OXNAD1: variants seen among roughly 807,000 people sequenced by gnomAD.
OXNAD1 encodes the protein oxidoreductase NAD binding domain containing 1, also known as oxidoreductase NAD-binding domain-containing protein 1.
Under a neutral mutation model 32.9 loss-of-function variants are expected in OXNAD1, and 34 were observed. The ratio of observed to expected loss-of-function variants is 1.03; its 90% CI spans 0.79 to 1.38. OXNAD1 has a LOEUF of 1.38. Among genes scored for constraint, OXNAD1 ranks in the 40% most tolerant of loss-of-function variants. The pLI is 0.00. For missense variants in OXNAD1, 407 were observed against 379.4 expected (o/e 1.07, Z -0.60); for synonymous variants, 134 against 135.2 (o/e 0.99, Z 0.06).
intron 5 of OXNAD1, 37 bp from the exon 6 acceptor site, chr3:16,294,819 G>T: frequency 1.9e-6 from 3 of 1,563,036 alleles, no homozygotes; most frequent in South Asian, 1.2e-5. Context: ...TTTTAAAATT[G>T]CTTCAACAAT....
At chr3:16,276,515 A>ATTTTTTTTTTTTTTTTTTTTTTTTTTTTT (rs35338490) in intron 4 of OXNAD1, 1 of 143,390 alleles carries the variant, frequency 7.0e-6, no homozygotes, top group African/African-American at 2.7e-5. Context: ...CAATCTTGCT[A>ATTTTTTTTTTTTTTTTTTTTTTTTTTTTT]TTTTTTTTTT....
rs748104048 is a variant in OXNAD1, at chr3:16,316,841, A to G, written c.*30+13249A>G. ...ATTGCCCAAGACTCAGTTTTCTTCA[A>G]CCGTACCAAGCTCTCTGACTTCCTC... On this transcript the variant is annotated intron_variant, in intron 9 of 9. Transcript: ENST00000435829. The surrounding 1 kb of genome is among the most constrained non-coding windows in gnomAD (Gnocchi z 4.5). 3.1e-6 allele frequency: 5 copies of G among 1,613,920 alleles called. No homozygotes were observed. Among genetic ancestry groups the G allele is most frequent in the Non-Finnish European group, 3.4e-6 (4 of 1,179,986 alleles).
rs565682 is a variant in OXNAD1, at chr3:16,322,927, T to C, written c.*31-14185T>C. ...CTGTCATGAAGAAATTTTGGCAGGG[T>C]CTCTGCTTAGATCCCCACACTTTTA... is the stretch of plus-strand genomic sequence containing the variant. On this transcript the variant is annotated intron_variant, in intron 9 of 9. Transcript: ENST00000435829. The surrounding 1 kb of genome is among the most constrained non-coding windows in gnomAD (Gnocchi z 6.2). Among the ~76,000 whole-genome samples, 47,461 of 151,942 alleles carry C rather than the reference T, an allele frequency of 0.31. 8,220 individuals carry two copies. Among genetic ancestry groups the C allele is most frequent in the Non-Finnish European group, 0.37 (25,432 of 67,932 alleles).
At chr3:16,319,873 A>G (rs949075135) in intron 9 of OXNAD1, among the ~76,000 whole-genome samples, 2 of 152,192 alleles carry the variant, frequency 1.3e-5, no homozygotes, top group Non-Finnish European at 2.9e-5. Flanking sequence ...AAGGCAGGCA[A>G]GTCCAGCCTG....
At chr3:16,339,578 C>T (rs1440130324), downstream of OXNAD1, 1 of 152,194 alleles carries the variant, frequency 6.6e-6, no homozygotes, top group African/African-American at 2.4e-5. Flanking sequence ...CTGAGACCTA[C>T]CACGGGACAA....
Position 16,302,020 on chromosome 3 carries a change from C to T in OXNAD1, c.675+152C>T. On this transcript the variant is annotated intron_variant, in intron 7 of 8. Coordinates refer to ENST00000285083, the MANE Select transcript of OXNAD1 (RefSeq NM_138381.5). The surrounding 1 kb of genome is among the most constrained non-coding windows in gnomAD (Gnocchi z 4.2). ...GCTTAAATGAGAACTAACCAACACACCTTACCCAAGACAAGTAAAACTGCT... is the reference window on the plus strand; with the variant it reads ...GCTTAAATGAGAACTAACCAACACATCTTACCCAAGACAAGTAAAACTGCT... 4.0e-6 allele frequency: 4 copies of T among 1,012,488 alleles called. No homozygotes were observed. The highest frequency in any genetic ancestry group is 5.6e-6 in the Non-Finnish European group (4 of 710,548). 62.7% of individuals were successfully genotyped at this position (1,012,488 alleles called of 1,614,324 possible).
chr3:16,306,284 A>G (rs988693666), downstream of OXNAD1, among the ~76,000 whole-genome samples: 1 of 152,292 alleles, frequency 6.6e-6, no homozygotes, highest in Non-Finnish European at 1.5e-5. Flanking sequence ...GACTAGCAGC[A>G]TTCTGTTTTT....
chr3:16,311,643 A>G (rs1431231072), intron 9 of OXNAD1, among the ~76,000 whole-genome samples: 1 of 152,160 alleles, frequency 6.6e-6, no homozygotes, highest in Admixed American at 6.5e-5. Context: ...TGCAAAATCC[A>G]GTCACTTTTG....
At chr3:16,292,529 A>G (rs2066503397) in intron 5 of OXNAD1, among the ~76,000 whole-genome samples, 1 of 152,056 alleles carries the variant, frequency 6.6e-6, no homozygotes, top group Non-Finnish European at 1.5e-5. Flanking sequence ...TGTAGCACAG[A>G]GTTTTAAATT....
At chr3:16,279,424 C>T (rs1012838893) in intron 4 of OXNAD1, among the ~76,000 whole-genome samples, 13 of 151,150 alleles carry the variant, frequency 8.6e-5, no homozygotes, top group African/African-American at 2.9e-4. Context: ...AGCACAGTGC[C>T]GGAGAAAAAA....
In OXNAD1 at chr3:16,314,808, T is replaced by C. The variant is rs1299860563; in HGVS notation, c.*30+11216T>C. On this transcript the variant is annotated intron_variant, in intron 9 of 9. Transcript: ENST00000435829. The surrounding 1 kb of genome is among the most constrained non-coding windows in gnomAD (Gnocchi z 4.4). Reference sequence around the variant, plus strand: ...TAAGGCCCTCTAGCCTGGAACCGTTTGCTTTTCAAAGTTGAGTGTGGTGTT... The same window carrying C: ...TAAGGCCCTCTAGCCTGGAACCGTTCGCTTTTCAAAGTTGAGTGTGGTGTT... The C allele has an allele frequency of 2.6e-5, 4 of 152,252 alleles. No homozygotes were observed. Among genetic ancestry groups the C allele is most frequent in the African/African-American group, 9.6e-5 (4 of 41,470 alleles). 9.4% of individuals were successfully genotyped at this position (152,252 alleles called of 1,614,324 possible). A position where few individuals can be genotyped will look rare whatever the true frequency, so the allele number is the denominator to read the frequency against.
chr3:16,314,636 C>T lies in OXNAD1; in HGVS notation c.*30+11044C>T, dbSNP rs1192788457. 1.3e-5 allele frequency: 2 copies of T among 152,212 alleles called. No individual in the cohort carries two copies. The highest frequency in any genetic ancestry group is 2.9e-5 in the Non-Finnish European group (2 of 68,042). 9.4% of individuals were successfully genotyped at this position (152,212 alleles called of 1,614,324 possible). A position where few individuals can be genotyped will look rare whatever the true frequency, so the allele number is the denominator to read the frequency against. On this transcript the variant is annotated intron_variant, in intron 9 of 9. Coordinates refer to the OXNAD1 transcript ENST00000435829. The surrounding 1 kb of genome is among the most constrained non-coding windows in gnomAD (Gnocchi z 4.4). ...GTGTAGAGAAGCAAGGGAGAAAAAA[C>T]AAGACCTTTAGGAACTGTTAGCCTG...
intron 9 of OXNAD1, among the ~76,000 whole-genome samples, chr3:16,319,941 G>T (rs1317800603): frequency 6.6e-6 from 1 of 152,024 alleles, no homozygotes; most frequent in African/African-American, 2.4e-5. Context: ...TAACCAGCAA[G>T]CCGCAGATAA....
chr3:16,329,956 G>T lies in OXNAD1; in HGVS notation c.*31-7156G>T, dbSNP rs910507055. The stretch of plus-strand genomic sequence containing the variant: ...AACGACCCCTGCTGCAGCCCGACCC[G>T]CCTGCTTAGACAGACTGCAAACCGG... On this transcript the variant is annotated intron_variant, in intron 9 of 9. Transcript: ENST00000435829. This position sits in a 1 kb window ranked among gnomAD's most constrained non-coding sequence, Gnocchi z 4.5. 9.2e-5 allele frequency among the ~76,000 whole-genome samples: 14 copies of T among 152,098 alleles called. No homozygotes were observed. Among genetic ancestry groups the T allele is most frequent in the Admixed American group, 6.5e-5 (1 of 15,270 alleles).
intron 9 of OXNAD1, among the ~76,000 whole-genome samples, chr3:16,325,485 C>A (rs1206592379): frequency 6.6e-6 from 1 of 152,228 alleles, no homozygotes; most frequent in Non-Finnish European, 1.5e-5. Context: ...TGAGTCTTGT[C>A]TTCTGGAAAT....
In OXNAD1 at chr3:16,296,611, A is replaced by G. The variant is rs537651898; in HGVS notation, c.432+1614A>G. Reference sequence around the variant, plus strand: ...TTCAAAACAGTATGGTATTGGTGAAAGGAGAGAAACACATCAAATAATGTT... The same window carrying G: ...TTCAAAACAGTATGGTATTGGTGAAGGGAGAGAAACACATCAAATAATGTT... On this transcript the variant is annotated intron_variant, in intron 6 of 8. Transcript: ENST00000285083. 3.3e-5 allele frequency among the ~76,000 whole-genome samples: 5 copies of G among 152,354 alleles called. No homozygotes were observed. In the East Asian group the frequency reaches 9.6e-4, roughly 29 times the overall value.
At position 16,320,079 on chromosome 3, in the gene OXNAD1, T is replaced by G. The variant is rs2068873472; in HGVS notation, c.*30+16487T>G. ...AAAAGAAAAAAAGAAATCCTTCACT[T>G]TACAGCAGTGTGTGTCCAGAGTTCC... On this transcript the variant is annotated intron_variant, in intron 9 of 9. Transcript: ENST00000435829. This position sits in a 1 kb window ranked among gnomAD's most constrained non-coding sequence, Gnocchi z 4.5. Among the ~76,000 whole-genome samples, 1 of 152,216 alleles carries G rather than the reference T, an allele frequency of 6.6e-6. No homozygotes were observed. The highest frequency in any genetic ancestry group is 1.5e-5 in the Non-Finnish European group (1 of 68,034).
At chr3:16,266,303 A>T (rs1434534196) in intron 1 of OXNAD1, among the ~76,000 whole-genome samples, 1 of 152,222 alleles carries the variant, frequency 6.6e-6, no homozygotes, top group African/African-American at 2.4e-5. Context: ...CGTAACACAT[A>T]TACATAATAT....
rs779336430 is a variant in OXNAD1, at chr3:16,344,121, G to A, written c.*31-5055G>A. 3.3e-5 allele frequency among the ~76,000 whole-genome samples: 5 copies of A among 152,196 alleles called. No homozygotes were observed. Among genetic ancestry groups the A allele is most frequent in the Non-Finnish European group, 7.3e-5 (5 of 68,030 alleles). On this transcript the variant is annotated intron_variant, in intron 9 of 9. Transcript: ENST00000606098. The surrounding 1 kb of genome is among the most constrained non-coding windows in gnomAD (Gnocchi z 4.4). The stretch of plus-strand genomic sequence containing the variant: ...GTATTAACTCTTTTTCATTGGAATT[G>A]CTGTCAAATCAGGTATGCTTCATTC...
Sources: gnomAD v4.1 joint callset for allele counts (sites outside exome capture counted in the v4.1 genomes callset) on GRCh38, gnomAD v4.1.1 for gene constraint, Gnocchi (gnomAD v3.1) non-coding constraint, MANE v1.5 for transcripts, NCBI Gene and HGNC (gene_info 2026-07-23, HGNC 2026-07-21) for gene names.